XRCC4: variants seen among roughly 807,000 people sequenced by gnomAD.
XRCC4 encodes DNA repair protein XRCC4.
In XRCC4, 28 loss-of-function variants were observed where a neutral mutation model predicts 39.1. The observed-to-expected ratio is 0.72, with a 90% CI of 0.53 to 0.98. XRCC4 has a LOEUF of 0.98. Among genes scored for constraint, XRCC4 ranks in the 50% least tolerant of loss-of-function variants. The pLI is 0.00. For synonymous variants in XRCC4, 123 were observed against 126.4 expected (o/e 0.97, Z 0.18); for missense variants, 350 against 376.4 (o/e 0.93, Z 0.58).
At chr5:83,085,355 A>G (rs1413411202) in intron 1 of XRCC4, among the ~76,000 whole-genome samples, 2 of 152,194 alleles carry the variant, frequency 1.3e-5, no homozygotes, top group African/African-American at 4.8e-5. Context: ...ATGTGACCCT[A>G]GCATTGGACA....
chr5:83,367,209 C>T, the XRCC4 span, among the ~76,000 whole-genome samples: 1 of 152,144 alleles, frequency 6.6e-6, no homozygotes, highest in Non-Finnish European at 1.5e-5. Context: ...CATTACAATT[C>T]TAGTACAACA....
chr5:83,351,995 T>C lies in XRCC4; in HGVS notation c.894-1136T>C, dbSNP rs28360339. Among the ~76,000 whole-genome samples the C allele has an allele frequency of 6.9e-3, 1,044 of 150,852 alleles. 13 individuals carry two copies. Among genetic ancestry groups the C allele is most frequent in the African/African-American group, 0.024 (988 of 41,492 alleles). On this transcript the variant is annotated intron_variant, in intron 7 of 7. Coordinates refer to ENST00000396027, the MANE Select transcript of XRCC4 (RefSeq NM_003401.5). The stretch of plus-strand genomic sequence containing the variant: ...TAATAATAATAGTTTCCAAATTCTT[T>C]GTGGGAATTTACAAGCATTTACATT...
chr5:83,218,391 A>C (rs762833176), intron 6 of XRCC4, among the ~76,000 whole-genome samples: 12 of 151,846 alleles, frequency 7.9e-5, no homozygotes, highest in Non-Finnish European at 1.2e-4. Flanking sequence ...GATGGTTTCG[A>C]CTTTCATATG....
the XRCC4 span, among the ~76,000 whole-genome samples, chr5:83,365,394 T>C: frequency 6.6e-6 from 1 of 152,048 alleles, no homozygotes; most frequent in Non-Finnish European, 1.5e-5. Context: ...TAAAGGGAAA[T>C]AGCAAGAGGA....
intron 7 of XRCC4, among the ~76,000 whole-genome samples, chr5:83,302,099 T>C (rs538296675): frequency 2.0e-5 from 3 of 152,122 alleles, no homozygotes; most frequent in Non-Finnish European, 4.4e-5. Flanking sequence ...CAGATGACTA[T>C]TCTGGCAGCA....
At chr5:83,144,608 G>GGA (rs1748362822) in intron 3 of XRCC4, among the ~76,000 whole-genome samples, 1 of 120,100 alleles carries the variant, frequency 8.3e-6, no homozygotes, top group Non-Finnish European at 1.6e-5. Flanking sequence ...ATGAATGTAT[G>GGA]TCTTTCAATC....
chr5:83,321,476 G>A (rs970649737), intron 7 of XRCC4, among the ~76,000 whole-genome samples: 2 of 152,102 alleles, frequency 1.3e-5, no homozygotes, highest in African/African-American at 4.8e-5. Context: ...AAATACTTGT[G>A]TATAAATATA....
At chr5:83,335,485 C>T (rs1030786272) in intron 7 of XRCC4, among the ~76,000 whole-genome samples, 1 of 151,828 alleles carries the variant, frequency 6.6e-6, no homozygotes, top group Admixed American at 6.6e-5. Context: ...AAGATGTGTT[C>T]CTGTCATTAG....
In XRCC4 at chr5:83,258,613, C is replaced by G; in HGVS notation, c.829C>G (p.Gln277Glu). Residue 277 changes from glutamine (Q) to glutamate (E), a missense_variant, in exon 7 of 8, where the codon CAA becomes GAA. By Grantham distance (29) the Gln-to-Glu change is conservative. Coordinates refer to ENST00000396027, the MANE Select transcript of XRCC4 (RefSeq NM_003401.5). ...AAGTAGAAAAAGGAGACAGCGAATGCAAAGAAATCTTGGGACAGAACCTAA... is the reference window on the plus strand; with the variant it reads ...AAGTAGAAAAAGGAGACAGCGAATGGAAAGAAATCTTGGGACAGAACCTAA... ...APSRKRRQRM[Q>E]RNLGTEPKMA... is the part of the protein sequence containing the mutation. The G allele has an allele frequency of 1.2e-6, 2 of 1,611,310 alleles. No homozygotes were observed. The highest frequency in any genetic ancestry group is 1.7e-6 in the Non-Finnish European group (2 of 1,179,090).
At chr5:83,235,096 A>G (rs1025910362) in intron 6 of XRCC4, among the ~76,000 whole-genome samples, 4 of 151,686 alleles carry the variant, frequency 2.6e-5, no homozygotes, top group Non-Finnish European at 5.9e-5. Flanking sequence ...TCATTTTGGA[A>G]GTCCAAGGCA....
chr5:83,125,986 CAAAAA>C (rs35711158), intron 3 of XRCC4, among the ~76,000 whole-genome samples: 28 of 108,456 alleles, frequency 2.6e-4, no homozygotes, highest in South Asian at 1.3e-3. Flanking sequence ...TCCATCTCAT[CAAAAA>C]AAAAAAAAAA....
intron 3 of XRCC4, among the ~76,000 whole-genome samples, chr5:83,129,616 T>C (rs1272419802): frequency 1.3e-5 from 2 of 152,124 alleles, no homozygotes; most frequent in Non-Finnish European, 2.9e-5. Flanking sequence ...GAGCATGGAA[T>C]GTTCTTCCAT....
the XRCC4 span, among the ~76,000 whole-genome samples, chr5:83,368,805 C>G: frequency 7.2e-5 from 11 of 152,284 alleles, no homozygotes; most frequent in Middle Eastern, 6.8e-3. Flanking sequence ...GAAATACACT[C>G]CATTAATGGT....
intron 6 of XRCC4, among the ~76,000 whole-genome samples, chr5:83,250,788 T>G (rs1321474417): frequency 6.6e-6 from 1 of 152,120 alleles, no homozygotes; most frequent in African/African-American, 2.4e-5. Flanking sequence ...AGGATTATGC[T>G]TTCAAAAAAA....
the XRCC4 span, among the ~76,000 whole-genome samples, chr5:83,362,689 T>C: frequency 6.6e-6 from 1 of 152,186 alleles, no homozygotes; most frequent in Non-Finnish European, 1.5e-5. Context: ...TAACCTATCA[T>C]ACAAGATACC....
chr5:83,168,224 C>T (rs1402618748), intron 3 of XRCC4, among the ~76,000 whole-genome samples: 3 of 151,856 alleles, frequency 2.0e-5, no homozygotes, highest in Non-Finnish European at 2.9e-5. Flanking sequence ...AGACAAATAC[C>T]GATCAAAATA....
At chr5:83,262,975 C>T (rs1167751451) in intron 7 of XRCC4, among the ~76,000 whole-genome samples, 9 of 145,892 alleles carry the variant, frequency 6.2e-5, no homozygotes, top group Non-Finnish European at 3.0e-5. Flanking sequence ...GTATATCTCC[C>T]GATGCTATCC....
chr5:83,184,277 T>C (rs1750335825), intron 3 of XRCC4, among the ~76,000 whole-genome samples: 1 of 152,116 alleles, frequency 6.6e-6, no homozygotes, highest in Admixed American at 6.6e-5. Context: ...TATTCATTAA[T>C]GATAAATAAT....
chr5:83,311,489 A>G (rs942803160), intron 7 of XRCC4, among the ~76,000 whole-genome samples: 11 of 152,190 alleles, frequency 7.2e-5, no homozygotes, highest in African/African-American at 2.4e-4. Context: ...ATATACATCT[A>G]TTACGTATCA....
Sources: allele counts gnomAD v4.1 joint callset (sites outside exome capture counted in the v4.1 genomes callset), GRCh38; gene constraint gnomAD v4.1.1; transcripts MANE v1.5; gene names NCBI Gene and HGNC (gene_info 2026-07-23, HGNC 2026-07-21).